TENM3: variants seen among roughly 807,000 people sequenced by gnomAD.
TENM3 encodes teneurin transmembrane protein 3.
A neutral mutation model predicts 255.1 loss-of-function variants in TENM3; 63 were observed. The ratio of observed to expected loss-of-function variants is 0.25; its 90% CI spans 0.20 to 0.30. TENM3 has a LOEUF of 0.30. Ranked by LOEUF, TENM3 falls within the 10% of genes least tolerant of loss-of-function variation. The pLI is 1.00. For synonymous variants in TENM3, 1,306 were observed against 1,322.3 expected, an observed-to-expected ratio of 0.99 and a Z score of 0.27; for missense variants, 2,929 against 3,461.1, an observed-to-expected ratio of 0.85 and a Z score of 3.86.
chr4:181,731,268 C>A, the TENM3 span, among the ~76,000 whole-genome samples: 1 of 152,126 alleles, frequency 6.6e-6, no homozygotes, highest in African/African-American at 2.4e-5. Context: ...AATTTTAATA[C>A]TAATGAAGAT....
intron 13 of TENM3, among the ~76,000 whole-genome samples, chr4:182,726,061 C>T (rs547200024): frequency 6.6e-6 from 1 of 152,072 alleles, no homozygotes; most frequent in Non-Finnish European, 1.5e-5. Flanking sequence ...ATAAGGAAAC[C>T]GTGTGTAATC....
chr4:181,597,338 C>T, the TENM3 span, among the ~76,000 whole-genome samples: 173 of 152,320 alleles, frequency 1.1e-3, 2 homozygotes, highest in East Asian at 0.028. Flanking sequence ...TGCAACAGGG[C>T]ATAAACGTGG....
chr4:182,678,614 T>C (rs1755843855), intron 7 of TENM3, among the ~76,000 whole-genome samples: 1 of 152,216 alleles, frequency 6.6e-6, no homozygotes, highest in Non-Finnish European at 1.5e-5. Context: ...CATTACCAGA[T>C]GTCTGAGAGC....
intron 3 of TENM3, among the ~76,000 whole-genome samples, chr4:182,593,831 T>C (rs1177435787): frequency 6.6e-6 from 1 of 152,196 alleles, no homozygotes; most frequent in Non-Finnish European, 1.5e-5. Flanking sequence ...GCAGGTATTA[T>C]TTTCTTCCCC....
the TENM3 span, among the ~76,000 whole-genome samples, chr4:181,589,662 C>T: frequency 6.6e-6 from 1 of 152,152 alleles, no homozygotes; most frequent in Non-Finnish European, 1.5e-5. Flanking sequence ...GTATGTAATG[C>T]AGGTTTCACA....
the TENM3 span, among the ~76,000 whole-genome samples, chr4:181,974,235 C>T: frequency 2.6e-5 from 4 of 152,082 alleles, no homozygotes; most frequent in African/African-American, 9.7e-5. Context: ...TCATGATAGC[C>T]GTAAGGCAAG....
At chr4:182,229,717 C>G (rs996959057) in intron 1 of TENM3, among the ~76,000 whole-genome samples, 1 of 141,102 alleles carries the variant, frequency 7.1e-6, no homozygotes, top group Admixed American at 7.0e-5. Context: ...GAAGATCAAA[C>G]CCCAACTACA....
intron 11 of TENM3, among the ~76,000 whole-genome samples, chr4:182,686,639 T>C (rs1330904062): frequency 1.3e-5 from 2 of 152,130 alleles, no homozygotes; most frequent in Non-Finnish European, 2.9e-5. Flanking sequence ...CAACAGAGCT[T>C]TCCTCTATCT....
the TENM3 span, among the ~76,000 whole-genome samples, chr4:182,062,769 C>T: frequency 6.6e-6 from 1 of 152,198 alleles, no homozygotes; most frequent in Non-Finnish European, 1.5e-5. Context: ...CAAGAATATC[C>T]TCTGGCCTAA....
the TENM3 span, among the ~76,000 whole-genome samples, chr4:181,779,509 T>C: frequency 1.3e-3 from 191 of 152,074 alleles, 1 homozygote; most frequent in African/African-American, 4.4e-3. Context: ...CTATCAATTC[T>C]GGTTCTTAGC....
intron 25 of TENM3, among the ~76,000 whole-genome samples, chr4:182,790,328 T>A (rs931303823): frequency 2.6e-5 from 4 of 152,162 alleles, no homozygotes; most frequent in Middle Eastern, 3.2e-3. Flanking sequence ...ACAGAGGAAC[T>A]CTTGTCACCC....
At chr4:182,474,582 A>C (rs1733485557) in intron 3 of TENM3, among the ~76,000 whole-genome samples, 1 of 152,150 alleles carries the variant, frequency 6.6e-6, no homozygotes, top group Non-Finnish European at 1.5e-5. Context: ...AAAATTACCG[A>C]CATAAATCCC....
chr4:182,468,396 G>A (rs1561479702), intron 3 of TENM3, among the ~76,000 whole-genome samples: 1 of 152,182 alleles, frequency 6.6e-6, no homozygotes, highest in African/African-American at 2.4e-5. Context: ...GATGCCAGAA[G>A]ACATGAGTCC....
chr4:181,746,566 A>AT, the TENM3 span, among the ~76,000 whole-genome samples: 6 of 151,518 alleles, frequency 4.0e-5, no homozygotes, highest in Admixed American at 1.3e-4. Flanking sequence ...AAATTGAAAA[A>AT]TTTTTTTTCT....
chr4:181,488,457 A>C, the TENM3 span, among the ~76,000 whole-genome samples: 1 of 152,126 alleles, frequency 6.6e-6, no homozygotes, highest in Non-Finnish European at 1.5e-5. Context: ...TTTCTCTGGA[A>C]AGATTCGTTT....
At chr4:181,546,475 G>A in the TENM3 span, among the ~76,000 whole-genome samples, 1 of 151,388 alleles carries the variant, frequency 6.6e-6, no homozygotes, top group East Asian at 2.0e-4. Context: ...CAGCACTTTG[G>A]GAGGCCGAGG....
At chr4:181,540,784 A>G in the TENM3 span, among the ~76,000 whole-genome samples, 1 of 152,074 alleles carries the variant, frequency 6.6e-6, no homozygotes, top group African/African-American at 2.4e-5. Context: ...AGCTCAGGGG[A>G]CGTGATGCCT....
At chr4:182,499,167 TG>T (rs1185444403) in intron 3 of TENM3, among the ~76,000 whole-genome samples, 1 of 152,324 alleles carries the variant, frequency 6.6e-6, no homozygotes, top group East Asian at 1.9e-4. Flanking sequence ...AACATTCCTC[TG>T]GTAAGGAAGA....
At chr4:181,953,705 AATAAC>A in the TENM3 span, among the ~76,000 whole-genome samples, 1 of 152,034 alleles carries the variant, frequency 6.6e-6, no homozygotes, top group South Asian at 2.1e-4. Context: ...AAAGAAAGAA[AATAAC>A]ATATGTGAAG....
Sources: gnomAD v4.1 joint callset for allele counts (sites outside exome capture counted in the v4.1 genomes callset) on GRCh38, gnomAD v4.1.1 for gene constraint, MANE v1.5 for transcripts, NCBI Gene and HGNC (gene_info 2026-07-23, HGNC 2026-07-21) for gene names.